Variants in FABP12 observed in about 807,000 individuals in gnomAD.
FABP12 encodes fatty acid binding protein 12.
In FABP12, 19 loss-of-function variants were observed where a neutral mutation model predicts 13.7. The observed-to-expected ratio is 1.39, with a 90% confidence interval of 0.97 to 2.04. The LOEUF (loss-of-function observed/expected upper bound fraction) is 2.04. Among genes scored for constraint, FABP12 ranks in the 30% most tolerant of loss-of-function variants. The probability of loss-of-function intolerance (pLI) is 0.00; values close to 1 mark genes in which losing one functional copy is unlikely to be tolerated. For missense variants in FABP12, 182 were observed against 164.2 expected (o/e 1.11, Z -0.59); for synonymous variants, 61 against 57.0 (o/e 1.07, Z -0.32).
At chr8:81,575,604 T>C (rs1317377110) in intron 1 of FABP12, among the ~76,000 whole-genome samples, 1 of 152,244 alleles carries the variant, frequency 6.6e-6, no homozygotes, top group Non-Finnish European at 1.5e-5. Context: ...TTCTTGAGTC[T>C]ATTAGTTATT....
intron 1 of FABP12, among the ~76,000 whole-genome samples, chr8:81,576,000 T>C (rs576292632): frequency 6.6e-6 from 1 of 152,322 alleles, no homozygotes; most frequent in Admixed American, 6.5e-5. Context: ...TCTATATAGC[T>C]AATCAGAAGC....
At chr8:81,563,981 C>G (rs868026111) in intron 1 of FABP12, among the ~76,000 whole-genome samples, 1 of 151,988 alleles carries the variant, frequency 6.6e-6, no homozygotes, top group African/African-American at 2.4e-5. Context: ...ATGACTACCT[C>G]AAAACATTTA....
chr8:81,544,973 G>A (rs1391133861), intron 1 of FABP12, among the ~76,000 whole-genome samples: 5 of 152,178 alleles, frequency 3.3e-5, no homozygotes, highest in Admixed American at 2.6e-4. Flanking sequence ...GGCCAATGGC[G>A]TAGAGGCCAG....
chr8:81,589,870 T>C (rs752828216), intron 1 of FABP12, among the ~76,000 whole-genome samples: 68 of 152,366 alleles, frequency 4.5e-4, no homozygotes, highest in Non-Finnish European at 7.3e-4. Flanking sequence ...AGATGCTTTC[T>C]TGAATTTAAA....
exon 3 of FABP12, chr8:81,529,438 C>A (rs1437260205): frequency 6.2e-7 from 1 of 1,613,758 alleles, no homozygotes; most frequent in Admixed American, 1.7e-5. Context: ...TAGGCCTCAC[C>A]TTTGTTTTGT....
chr8:81,556,243 C>T (rs569474142), intron 1 of FABP12, among the ~76,000 whole-genome samples: 32 of 152,226 alleles, frequency 2.1e-4, no homozygotes, highest in African/African-American at 7.5e-4. Flanking sequence ...TTTAACATTT[C>T]TGTAAGTGAT....
At position 81,525,180 on chromosome 8, in the gene FABP12, A is replaced by C. The variant is rs1808860863; in HGVS notation, c.349-60T>G. 1.9e-5 allele frequency: 21 copies of C among 1,122,660 alleles called. No individual in the cohort carries two copies. The South Asian group carries it at 2.7e-4, about 15-fold the overall frequency. The allele number at this position is 1,122,660 out of a possible 1,614,324, so 69.5% of individuals were successfully genotyped here. ...TAGTTAGTGAAATTAACATTTAGAA[A>C]AGTGCAAACTAAGTACTATCCACAC... is the stretch of plus-strand genomic sequence containing the variant. On this transcript the variant is annotated intron_variant, in intron 4 of 4. Transcript: ENST00000360464.
At chr8:81,529,364 T>C (rs1808995538) in intron 3 of FABP12, 74 bp downstream of exon 3, 7 of 1,437,322 alleles carry the variant, frequency 4.9e-6, no homozygotes, top group South Asian at 3.4e-5. Context: ...TTTGCTAGAA[T>C]TGCTTACTTA....
At chr8:81,569,644 T>G (rs1809888446) in intron 1 of FABP12, among the ~76,000 whole-genome samples, 1 of 152,210 alleles carries the variant, frequency 6.6e-6, no homozygotes, top group Non-Finnish European at 1.5e-5. Flanking sequence ...ACTCCAAGAT[T>G]GAGTAAGCAG....
rs938466300 is a variant in FABP12, at chr8:81,531,226, A to G, written c.73+17T>C. On this transcript the variant is annotated intron_variant, in intron 2 of 4. Transcript: ENST00000360464. ...CCCATTTTTACTGGATATGATATGC[A>G]AGTAAACATAGCTCACCCAGCTCCT... 6 of 1,581,806 alleles carry G rather than the reference A, an allele frequency of 3.8e-6. No homozygotes were observed. The Admixed American group carries it at 5.1e-5, about 13-fold the overall frequency.
intron 1 of FABP12, among the ~76,000 whole-genome samples, chr8:81,550,291 G>GAA (rs1809503695): frequency 6.6e-6 from 1 of 152,180 alleles, no homozygotes; most frequent in African/African-American, 2.4e-5. Context: ...GTCTCAAAAT[G>GAA]AAAAGGTAAA....
rs145155736 is a variant in FABP12 at position 81,560,721 on chromosome 8, A to G, written c.-184-20978T>C. On this transcript the variant is annotated intron_variant, in intron 1 of 5. Coordinates refer to the FABP12 transcript ENST00000692030. ...AGTCTCCTCAGCAACAAATAAGAGAAATATTATCTCCATTTTACAGAAGCA... is the reference window on the plus strand; with the variant it reads ...AGTCTCCTCAGCAACAAATAAGAGAGATATTATCTCCATTTTACAGAAGCA... Among the ~76,000 whole-genome samples, 273 of 152,304 alleles carry G rather than the reference A, an allele frequency of 1.8e-3. 2 individuals carry two copies. The highest frequency in any genetic ancestry group is 6.3e-3 in the African/African-American group (262 of 41,544).
At chr8:81,578,998 T>C (rs1477172028) in intron 1 of FABP12, among the ~76,000 whole-genome samples, 2 of 151,362 alleles carry the variant, frequency 1.3e-5, no homozygotes, top group East Asian at 3.9e-4. Flanking sequence ...CCAGCTAATT[T>C]TTTGTATTTT....
chr8:81,538,603 T>G (rs1211257715), upstream of FABP12, among the ~76,000 whole-genome samples: 1 of 152,178 alleles, frequency 6.6e-6, no homozygotes, highest in Non-Finnish European at 1.5e-5. Flanking sequence ...CCATGGATTG[T>G]CAGCAGCCAC....
intron 1 of FABP12, among the ~76,000 whole-genome samples, chr8:81,587,202 A>C (rs1810253488): frequency 6.6e-6 from 1 of 152,144 alleles, no homozygotes; most frequent in Admixed American, 6.5e-5. Flanking sequence ...GTAGCCTTGT[A>C]ATATAGTTTG....
intron 1 of FABP12, among the ~76,000 whole-genome samples, chr8:81,561,029 T>C (rs963660069): frequency 2.0e-5 from 3 of 152,202 alleles, no homozygotes; most frequent in Non-Finnish European, 4.4e-5. Flanking sequence ...CACTCTATGT[T>C]TGTATCACAT....
chr8:81,567,423 T>C (rs947477182), intron 1 of FABP12, among the ~76,000 whole-genome samples: 1 of 152,194 alleles, frequency 6.6e-6, no homozygotes, highest in African/African-American at 2.4e-5. Context: ...TGCAGAGCTA[T>C]GGTAACCAAA....
exon 5 of FABP12, chr8:81,524,983 A>G (rs1003102279): frequency 3.6e-6 from 4 of 1,104,032 alleles, no homozygotes; most frequent in Non-Finnish European, 5.4e-6. Context: ...AATAGTCGTA[A>G]TATTTTACTT....
chr8:81,537,062 C>A (rs932878187), upstream of FABP12, among the ~76,000 whole-genome samples: 15 of 133,262 alleles, frequency 1.1e-4, no homozygotes, highest in African/African-American at 5.3e-4. Context: ...ATGGTGGATA[C>A]CATTTTTCAT....
Sources: gnomAD v4.1 joint callset for allele counts (sites outside exome capture counted in the v4.1 genomes callset) on GRCh38, gnomAD v4.1.1 for gene constraint, MANE v1.5 for transcripts, NCBI Gene and HGNC (gene_info 2026-07-23, HGNC 2026-07-21) for gene names.